UNC79: variants seen among roughly 807,000 people sequenced by gnomAD.
UNC79 encodes the protein unc-79 subunit of NALCN channel complex.
A neutral mutation model predicts 283.1 loss-of-function variants in UNC79; 37 were observed. That is an observed-to-expected ratio of 0.13 (90% CI 0.10 to 0.17). UNC79 has a LOEUF of 0.17. Among genes scored for constraint, UNC79 ranks in the 10% least tolerant of loss-of-function variants. UNC79 has a pLI of 1.00. For missense variants in UNC79, 2,272 were observed against 3,211.1 expected, an observed-to-expected ratio of 0.71 and a Z score of 7.07; for synonymous variants, 1,107 against 1,200.2, an observed-to-expected ratio of 0.92 and a Z score of 1.61.
intron 8 of UNC79, 62 bp from the exon 9 acceptor site, chr14:93,528,496 G>A: frequency 1.4e-6 from 2 of 1,480,190 alleles, no homozygotes; most frequent in Non-Finnish European, 1.9e-6. Flanking sequence ...TTTGTGCTTA[G>A]AATATAGGGA....
intron 1 of UNC79, among the ~76,000 whole-genome samples, chr14:93,466,270 A>C (rs558017733): frequency 2.5e-4 from 38 of 152,358 alleles, no homozygotes; most frequent in African/African-American, 6.3e-4. Context: ...TCTGATAAAT[A>C]GTGTATGTAG....
chr14:93,621,841 G>A lies in UNC79; in HGVS notation c.4608G>A (p.Ala1536=), dbSNP rs775349191. ...TAGAGAAGCCTCCGACCCAAGCTGC[G>A]TATATCGCACAAAGACCAAACGACC... The change falls in exon 30 of 49, where the codon GCG becomes GCA. Residue 1536 remains alanine, a synonymous_variant. Coordinates refer to ENST00000555664, the Ensembl canonical transcript of UNC79. This position sits in a 1 kb window ranked among gnomAD's most constrained non-coding sequence, Gnocchi z 4.8. 3.8e-6 allele frequency: 6 copies of A among 1,584,554 alleles called. No homozygotes were observed. The highest frequency in any genetic ancestry group is 1.4e-5 in the African/African-American group (1 of 73,656).
In UNC79 at chr14:93,653,927, G is replaced by A. The variant is rs761907222; in HGVS notation, c.6197-13G>A. On this transcript the variant is annotated splice_polypyrimidine_tract_variant and intron_variant, in intron 36 of 48. Coordinates refer to ENST00000555664, the Ensembl canonical transcript of UNC79. ...AGACACCCAAACACTAAATCCGATC[G>A]TTGACTTTCCAGATGGGACTTTTTT... The A allele has an allele frequency of 4.3e-6, 7 of 1,614,004 alleles. No homozygotes were observed. The highest frequency in any genetic ancestry group is 2.2e-5 in the East Asian group (1 of 44,876).
At chr14:93,582,291 C>T (rs764298389) in exon 20 of UNC79, 2 of 1,614,152 alleles carry the variant, frequency 1.2e-6, no homozygotes, top group Admixed American at 3.3e-5. Flanking sequence ...GAGAATCCTG[C>T]AAGCAAGCAT....
chr14:93,470,697 T>G (rs1481568449), intron 2 of UNC79, among the ~76,000 whole-genome samples: 1 of 152,152 alleles, frequency 6.6e-6, no homozygotes, highest in Non-Finnish European at 1.5e-5. Flanking sequence ...GAGTGCCGAG[T>G]TGTACTCATT....
chr14:93,604,774 G>A (rs2065765687), intron 26 of UNC79, 122 bp from the exon 27 acceptor site: 2 of 1,035,454 alleles, frequency 1.9e-6, no homozygotes, highest in Non-Finnish European at 2.6e-6. Flanking sequence ...TTTATGTGAT[G>A]TTAATTCAAA....
intron 1 of UNC79, among the ~76,000 whole-genome samples, chr14:93,366,531 G>C (rs151215705): frequency 6.6e-6 from 1 of 151,062 alleles, no homozygotes; most frequent in Admixed American, 6.6e-5. Context: ...GTTTCCATTA[G>C]TGTAAGCAAA....
In UNC79 at chr14:93,404,493, A is replaced by AAAAAAAT; in HGVS notation, c.-350-63177_-350-63176insAAAAATA. 3.1e-4 allele frequency among the ~76,000 whole-genome samples: 19 copies of AAAAAAAT among 61,488 alleles called. 2 individuals are homozygous for AAAAAAAT. Among genetic ancestry groups the AAAAAAAT allele is most frequent in the Admixed American group, 4.7e-4 (2 of 4,218 alleles). The allele number at this position is 61,488 out of a possible 152,430, so 40.3% of individuals were successfully genotyped here. On this transcript the variant is annotated intron_variant, in intron 1 of 49. Transcript: ENST00000256339. The stretch of plus-strand genomic sequence containing the variant: ...TGACAGAGTGAGACCTTCTAAAAAA[A>AAAAAAAT]ATATATATATATATATATATAAATA...
At chr14:93,674,187 A>T (rs1308313582) in intron 41 of UNC79, among the ~76,000 whole-genome samples, 1 of 152,040 alleles carries the variant, frequency 6.6e-6, no homozygotes, top group Non-Finnish European at 1.5e-5. Flanking sequence ...TGAGAGCAGG[A>T]TGGATCCCAC....
chr14:93,658,401 T>C (rs1225467896), intron 38 of UNC79, among the ~76,000 whole-genome samples: 1 of 152,212 alleles, frequency 6.6e-6, no homozygotes, highest in African/African-American at 2.4e-5. Flanking sequence ...GGTTCTGGGA[T>C]TCCACTTGGA....
chr14:93,476,841 T>C (rs933038489), intron 3 of UNC79, among the ~76,000 whole-genome samples: 1 of 152,210 alleles, frequency 6.6e-6, no homozygotes, highest in African/African-American at 2.4e-5. Flanking sequence ...GTAATAATAA[T>C]AGTAACTGTT....
intron 1 of UNC79, among the ~76,000 whole-genome samples, chr14:93,449,427 T>C (rs934793900): frequency 6.6e-6 from 1 of 152,178 alleles, no homozygotes; most frequent in African/African-American, 2.4e-5. Context: ...AGAAGCTCTT[T>C]ATTCTTTAAT....
chr14:93,627,051 C>A (rs536982381), intron 30 of UNC79, among the ~76,000 whole-genome samples: 1 of 152,100 alleles, frequency 6.6e-6, no homozygotes, highest in Non-Finnish European at 1.5e-5. Context: ...CATGGTGATA[C>A]CCTGTCTCTT....
At chr14:93,680,907 C>T (rs575252863) in intron 41 of UNC79, among the ~76,000 whole-genome samples, 7 of 152,258 alleles carry the variant, frequency 4.6e-5, no homozygotes, top group South Asian at 2.1e-4. Flanking sequence ...TCACTGTGTA[C>T]GTCTATCAAA....
At chr14:93,626,628 C>A (rs886592403) in intron 30 of UNC79, among the ~76,000 whole-genome samples, 6 of 152,144 alleles carry the variant, frequency 3.9e-5, no homozygotes, top group African/African-American at 1.4e-4. Flanking sequence ...CTCCCAAATT[C>A]TATTAAAGTT....
intron 1 of UNC79, among the ~76,000 whole-genome samples, chr14:93,455,600 G>C (rs1359379655): frequency 6.6e-6 from 1 of 152,100 alleles, no homozygotes; most frequent in East Asian, 1.9e-4. Flanking sequence ...TTAAGGGACA[G>C]AGTTTTGAAC....
chr14:93,565,287 A>G (rs2062808355), intron 14 of UNC79, among the ~76,000 whole-genome samples: 1 of 152,058 alleles, frequency 6.6e-6, no homozygotes, highest in Admixed American at 6.6e-5. Context: ...TTCTTGCTGC[A>G]TTTTGTTGCA....
In UNC79 at chr14:93,683,986, C is replaced by T. The variant is rs192524703; in HGVS notation, c.6819+1292C>T. ...CTGTGATCTATGCCATGAACATATC[C>T]ATCATCTCCAACAGTTTCTTCCTGC... On this transcript the variant is annotated intron_variant, in intron 42 of 48. Transcript: ENST00000555664. Among the ~76,000 whole-genome samples, 109 of 152,170 alleles carry T rather than the reference C, an allele frequency of 7.2e-4. 1 individual carries two copies. Among genetic ancestry groups the T allele is most frequent in the African/African-American group, 2.5e-3 (105 of 41,494 alleles).
chr14:93,335,532 A>G (rs2053559970), intron 1 of UNC79, among the ~76,000 whole-genome samples: 1 of 152,246 alleles, frequency 6.6e-6, no homozygotes, highest in Non-Finnish European at 1.5e-5. Context: ...AACAGCATGC[A>G]TTCTAGAATC....
Sources: gnomAD v4.1 joint callset for allele counts (sites outside exome capture counted in the v4.1 genomes callset) on GRCh38, gnomAD v4.1.1 for gene constraint, Gnocchi (gnomAD v3.1) non-coding constraint, MANE v1.5 for transcripts, NCBI Gene and HGNC (gene_info 2026-07-23, HGNC 2026-07-21) for gene names.